RALYL: variants seen among roughly 807,000 people sequenced by gnomAD.
RALYL encodes the protein RALY RNA binding protein like.
In RALYL, 29 loss-of-function variants were observed where a neutral mutation model predicts 35.1. The observed-to-expected ratio is 0.83, with a 90% CI of 0.61 to 1.13. The LOEUF (loss-of-function observed/expected upper bound fraction) is 1.13. RALYL is among the 50% of genes most tolerant of loss of function. The pLI is 0.00. For synonymous variants in RALYL, 120 were observed against 127.6 expected (o/e 0.94, Z 0.40); for missense variants, 359 against 360.4 (o/e 1.00, Z 0.03).
At chr8:84,887,529 C>A in intron 7 of RALYL, 75 bp from the exon 8 acceptor site, 1 of 1,330,818 alleles carries the variant, frequency 7.5e-7, no homozygotes, top group Non-Finnish European at 1.0e-6. Context: ...CTTTCATGGA[C>A]TGTTTTTTCA....
intron 2 of RALYL, among the ~76,000 whole-genome samples, chr8:84,606,530 G>A (rs531041764): frequency 8.1e-4 from 124 of 152,238 alleles, no homozygotes; most frequent in Middle Eastern, 3.4e-3. Flanking sequence ...ACTTAATATG[G>A]AGTCTTTAAT....
At chr8:84,665,809 A>G (rs1316857197) in intron 2 of RALYL, 2 of 151,998 alleles carry the variant, frequency 1.3e-5, no homozygotes. Flanking sequence ...TGCAGGGGCC[A>G]TGCTACTCTT....
intron 1 of RALYL, among the ~76,000 whole-genome samples, chr8:84,402,526 A>C (rs1277234362): frequency 6.6e-6 from 1 of 152,174 alleles, no homozygotes; most frequent in African/African-American, 2.4e-5. Flanking sequence ...AACTGAAACA[A>C]GACTGGGTAT....
chr8:84,802,886 C>T (rs1350632985), intron 3 of RALYL, among the ~76,000 whole-genome samples: 1 of 151,912 alleles, frequency 6.6e-6, no homozygotes, highest in Admixed American at 6.6e-5. Flanking sequence ...GAAAACCAGG[C>T]TGGGAATGGA....
At chr8:84,696,255 A>G (rs1184634505) in intron 2 of RALYL, among the ~76,000 whole-genome samples, 1 of 151,902 alleles carries the variant, frequency 6.6e-6, no homozygotes, top group Non-Finnish European at 1.5e-5. Flanking sequence ...AAAATTTAAA[A>G]AAAAAAAGGT....
intron 7 of RALYL, among the ~76,000 whole-genome samples, chr8:84,886,711 A>G (rs1842964424): frequency 6.6e-6 from 1 of 152,234 alleles, no homozygotes; most frequent in South Asian, 2.1e-4. Flanking sequence ...TGCTGTCAGC[A>G]CAATTTCCAT....
intron 2 of RALYL, among the ~76,000 whole-genome samples, chr8:84,705,334 T>A (rs1841007184): frequency 6.6e-6 from 1 of 152,082 alleles, no homozygotes; most frequent in African/African-American, 2.4e-5. Context: ...CTGGAGAGGC[T>A]TCTTGCAAGC....
chr8:84,426,877 C>T (rs970110999), intron 1 of RALYL, among the ~76,000 whole-genome samples: 1 of 151,918 alleles, frequency 6.6e-6, no homozygotes, highest in Non-Finnish European at 1.5e-5. Flanking sequence ...TTGGTACAGC[C>T]GTTATGGAGA....
chr8:84,437,056 T>G (rs1421837697), intron 1 of RALYL, among the ~76,000 whole-genome samples: 1 of 152,112 alleles, frequency 6.6e-6, no homozygotes, highest in African/African-American at 2.4e-5. Flanking sequence ...CCAATGTTTA[T>G]TGCTGCCATT....
intron 2 of RALYL, among the ~76,000 whole-genome samples, chr8:84,699,351 C>T (rs1015646534): frequency 1.3e-5 from 2 of 152,096 alleles, no homozygotes; most frequent in African/African-American, 4.8e-5. Context: ...CCACATCATG[C>T]TTGTCTAGTC....
At chr8:84,643,322 G>T (rs531841384) in intron 2 of RALYL, among the ~76,000 whole-genome samples, 1 of 152,024 alleles carries the variant, frequency 6.6e-6, no homozygotes, top group Non-Finnish European at 1.5e-5. Flanking sequence ...AAGAGCCCCA[G>T]TGACAACCTA....
intron 2 of RALYL, chr8:84,706,045 C>T (rs1046431235): frequency 2.4e-5 from 37 of 1,534,758 alleles, no homozygotes; most frequent in African/African-American, 9.6e-5. Context: ...CAAGAGCAAA[C>T]GCAGACATCA....
At chr8:84,351,002 C>T (rs577565439) in intron 1 of RALYL, among the ~76,000 whole-genome samples, 4 of 149,882 alleles carry the variant, frequency 2.7e-5, no homozygotes, top group African/African-American at 9.9e-5. Flanking sequence ...TGTGGCATGA[C>T]ATTGTTTTTC....
intron 2 of RALYL, among the ~76,000 whole-genome samples, chr8:84,592,445 A>G (rs917876131): frequency 4.6e-5 from 7 of 152,152 alleles, no homozygotes; most frequent in African/African-American, 1.7e-4. Context: ...AGATTGATAC[A>G]GATCTGTCTA....
chr8:84,779,234 C>G (rs1817548010), intron 3 of RALYL, among the ~76,000 whole-genome samples: 1 of 152,170 alleles, frequency 6.6e-6, no homozygotes, highest in African/African-American at 2.4e-5. Flanking sequence ...TTCCAGCATG[C>G]CAACTTTCAA....
intron 1 of RALYL, among the ~76,000 whole-genome samples, chr8:84,286,605 G>T (rs538455464): frequency 2.6e-5 from 4 of 152,218 alleles, no homozygotes; most frequent in South Asian, 4.1e-4. Flanking sequence ...AGGTTTAAAG[G>T]CAGGAAGGCA....
In RALYL at chr8:84,367,332, T is replaced by A. The variant is rs1563800120; in HGVS notation, c.-23-161967T>A. On this transcript the variant is annotated intron_variant, in intron 1 of 8. Coordinates refer to ENST00000521268, the MANE Select transcript of RALYL (RefSeq NM_173848.7). ...CTAATTTTTGTATTTTTTTTTTTTT[T>A]TTTTTTTTTTTTTTTTTTTTTTTTT... 9.7e-3 allele frequency among the ~76,000 whole-genome samples: 251 copies of A among 25,936 alleles called. 36 individuals carry two copies. The highest frequency in any genetic ancestry group is 0.027 in the African/African-American group (92 of 3,406). 17.0% of individuals were successfully genotyped at this position (25,936 alleles called of 152,430 possible). A position where few individuals can be genotyped will look rare whatever the true frequency, so the allele number is the denominator to read the frequency against.
chr8:84,426,026 C>G (rs2046391978), intron 1 of RALYL, among the ~76,000 whole-genome samples: 1 of 152,032 alleles, frequency 6.6e-6, no homozygotes, highest in Non-Finnish European at 1.5e-5. Flanking sequence ...TAAAATCTCT[C>G]TCATATCTCC....
At chr8:84,423,739 G>C (rs1164619603) in intron 1 of RALYL, among the ~76,000 whole-genome samples, 1 of 151,612 alleles carries the variant, frequency 6.6e-6, no homozygotes, top group Admixed American at 6.6e-5. Context: ...TTTTAGGGCA[G>C]GCCTGGTGGT....
Sources: gnomAD v4.1 joint callset for allele counts (sites outside exome capture counted in the v4.1 genomes callset) on GRCh38, gnomAD v4.1.1 for gene constraint, MANE v1.5 for transcripts, NCBI Gene and HGNC (gene_info 2026-07-23, HGNC 2026-07-21) for gene names.